Variants in CASC3 observed in about 807,000 individuals in gnomAD.
CASC3 encodes protein CASC3.
CASC3 carries 30 observed loss-of-function variants against 80.5 expected under a neutral mutation model. The observed-to-expected ratio is 0.37, with a 90% CI of 0.28 to 0.51. The LOEUF (loss-of-function observed/expected upper bound fraction) is 0.51. CASC3 is among the 20% of genes least tolerant of loss of function. The probability of loss-of-function intolerance (pLI) is 0.94; values close to 1 mark genes in which losing one functional copy is unlikely to be tolerated. For missense variants in CASC3, 824 were observed against 922.2 expected, an observed-to-expected ratio of 0.89 and a Z score of 1.38; for synonymous variants, 312 against 333.6, an observed-to-expected ratio of 0.94 and a Z score of 0.70.
chr17:40,165,759 T>G (rs982489655), intron 7 of CASC3, among the ~76,000 whole-genome samples: 3 of 151,232 alleles, frequency 2.0e-5, no homozygotes, highest in South Asian at 4.2e-4. Flanking sequence ...TAGTTTTTTT[T>G]TTTGTTTTTT....
intron 3 of CASC3, among the ~76,000 whole-genome samples, chr17:40,160,818 G>GCCCA (rs1989278007): frequency 1.3e-5 from 2 of 151,972 alleles, no homozygotes; most frequent in Non-Finnish European, 2.9e-5. Context: ...TGATACGCCT[G>GCCCA]CCTCGGCCTC....
chr17:40,149,765 G>A (rs1988951419), intron 3 of CASC3, among the ~76,000 whole-genome samples: 1 of 152,138 alleles, frequency 6.6e-6, no homozygotes, highest in African/African-American at 2.4e-5. Flanking sequence ...CGGCACTTTG[G>A]GAGGCCGAGG....
intron 3 of CASC3, among the ~76,000 whole-genome samples, chr17:40,141,944 A>G (rs543509803): frequency 6.6e-6 from 1 of 152,242 alleles, no homozygotes; most frequent in South Asian, 2.1e-4. Context: ...AAGCCAGCCA[A>G]TTGGTTATTT....
At position 40,161,735 on chromosome 17, in the gene CASC3, C is replaced by T. The variant is rs1989306146; in HGVS notation, c.298-18C>T. 6.2e-7 allele frequency: 1 copy of T among 1,612,216 alleles called. No individual in the cohort carries two copies. Among genetic ancestry groups the T allele is most frequent in the Admixed American group, 1.7e-5 (1 of 59,756 alleles). On this transcript the variant is annotated intron_variant, in intron 3 of 13. Coordinates refer to ENST00000264645, the MANE Select transcript of CASC3 (RefSeq NM_007359.5). ...GTTCAGATCTTATATGCATCGCTGA[C>T]AGGGAAACTTTTTTCAGGGTGAAGA...
chr17:40,171,861 G>T lies in CASC3; in HGVS notation c.*1456G>T. 8.3e-7 allele frequency: 1 copy of T among 1,200,388 alleles called. No homozygotes were observed. The highest frequency in any genetic ancestry group is 1.1e-6 in the Non-Finnish European group (1 of 947,788). 74.4% of individuals were successfully genotyped at this position (1,200,388 alleles called of 1,614,324 possible). On this transcript the variant is annotated 3_prime_UTR_variant, in exon 14 of 14. Transcript: ENST00000264645. ...GAGTCACAGGTGTGGGATGGAGAGT[G>T]GGGAGAGGCACTTAATCTGTAACCC...
intron 3 of CASC3, among the ~76,000 whole-genome samples, chr17:40,142,350 G>A (rs937905794): frequency 3.3e-5 from 5 of 152,250 alleles, no homozygotes; most frequent in Non-Finnish European, 7.3e-5. Flanking sequence ...CTTGCTGATA[G>A]GGGATAGCAC....
Position 40,161,999 on chromosome 17 carries a change from T to C in CASC3, c.457-3T>C, listed in dbSNP as rs753748330. On this transcript the variant is annotated splice_region_variant and splice_polypyrimidine_tract_variant and intron_variant, in intron 4 of 13. Coordinates refer to ENST00000264645, the MANE Select transcript of CASC3 (RefSeq NM_007359.5). ...AGTAAGGATCCCTTTATCTGTCCTC[T>C]AGGAGAGCACAGAGCCTGTGGAGAA... is the stretch of plus-strand genomic sequence containing the variant. The C allele has an allele frequency of 3.1e-6, 5 of 1,613,556 alleles. No homozygotes were observed. In the South Asian group the frequency reaches 4.4e-5, roughly 14 times the overall value.
At chr17:40,144,446 G>T (rs1303824815) in intron 3 of CASC3, among the ~76,000 whole-genome samples, 2 of 150,522 alleles carry the variant, frequency 1.3e-5, no homozygotes, top group Non-Finnish European at 3.0e-5. Flanking sequence ...CCGGGTTCAA[G>T]CGATTCTCCT....
At chr17:40,149,578 G>A (rs755904222) in intron 3 of CASC3, among the ~76,000 whole-genome samples, 7 of 152,060 alleles carry the variant, frequency 4.6e-5, no homozygotes, top group Admixed American at 1.3e-4. Flanking sequence ...AAAAAGAGAG[G>A]GAATAGATAA....
intron 3 of CASC3, among the ~76,000 whole-genome samples, chr17:40,142,162 TA>T (rs1427637909): frequency 6.6e-6 from 1 of 152,164 alleles, no homozygotes. Flanking sequence ...GGATTATATA[TA>T]GGGGGAATTG....
intron 8 of CASC3, 46 bp downstream of exon 8, chr17:40,166,907 C>A: frequency 7.4e-7 from 1 of 1,342,322 alleles, no homozygotes; most frequent in Non-Finnish European, 1.0e-6. Flanking sequence ...CTGCCTGTTA[C>A]ACAGCTTGTT....
chr17:40,145,430 C>T (rs1030974530), intron 3 of CASC3, among the ~76,000 whole-genome samples: 14 of 152,150 alleles, frequency 9.2e-5, no homozygotes, highest in Admixed American at 2.0e-4. Flanking sequence ...CCTCGGCCTC[C>T]CAAAGTGCTG....
chr17:40,148,450 C>T (rs1162615663), intron 3 of CASC3, among the ~76,000 whole-genome samples: 3 of 151,932 alleles, frequency 2.0e-5, no homozygotes, highest in African/African-American at 4.8e-5. Flanking sequence ...CTGCAATCTC[C>T]GTCTCCTGGG....
intron 3 of CASC3, among the ~76,000 whole-genome samples, chr17:40,144,539 T>G (rs1988804005): frequency 6.6e-6 from 1 of 151,382 alleles, no homozygotes; most frequent in African/African-American, 2.4e-5. Flanking sequence ...GAGACGGGGT[T>G]TTACCATGTT....
chr17:40,171,427 C>A lies in CASC3; in HGVS notation c.*1022C>A, dbSNP rs757094705. On this transcript the variant is annotated 3_prime_UTR_variant, in exon 14 of 14. Coordinates refer to ENST00000264645, the MANE Select transcript of CASC3 (RefSeq NM_007359.5). ...CCAGTTGCTGTGGACCAATGCATCT[C>A]TTTAAAGGCAAATATTATCCAGCAA... is the stretch of plus-strand genomic sequence containing the variant. 4.3e-5 allele frequency: 42 copies of A among 986,110 alleles called. No individual in the cohort carries two copies. The highest frequency in any genetic ancestry group is 4.8e-5 in the Non-Finnish European group (40 of 830,124). The allele number at this position is 986,110 out of a possible 1,614,324, so 61.1% of individuals were successfully genotyped here. A position where few individuals can be genotyped will look rare whatever the true frequency, so the allele number is the denominator to read the frequency against.
At chr17:40,165,722 TTTG>T (rs1382436141) in intron 7 of CASC3, among the ~76,000 whole-genome samples, 10 of 152,016 alleles carry the variant, frequency 6.6e-5, no homozygotes, top group East Asian at 1.9e-4. Flanking sequence ...CTTTTGTGTT[TTTG>T]TTGTTGTTGT....
rs1178751655 is a variant in CASC3, at chr17:40,164,093, G to A, written c.1398G>A (p.Val466=). ...GTACAAGTGGACTTGAGCAAGATGT[G>A]GCACAACTAAATATAGCAGAACAGA... is the stretch of plus-strand genomic sequence containing the variant. ...DSSTSGLEQD[V]AQLNIAEQNW... Residue 466 remains valine, a synonymous_variant, in exon 7 of 14, where the codon GTG becomes GTA. Transcript: ENST00000264645. The A allele has an allele frequency of 2.5e-6, 4 of 1,613,578 alleles. No individual in the cohort carries two copies. The highest frequency in any genetic ancestry group is 3.4e-6 in the Non-Finnish European group (4 of 1,180,002).
intron 3 of CASC3, among the ~76,000 whole-genome samples, chr17:40,147,657 AAGG>A (rs1232762694): frequency 1.3e-5 from 2 of 152,102 alleles, no homozygotes; most frequent in Non-Finnish European, 2.9e-5. Flanking sequence ...GAAAAAGAAA[AAGG>A]AGTCAAAGGA....
chr17:40,162,849 C>G lies in CASC3; in HGVS notation c.733C>G (p.Arg245Gly), dbSNP rs1203475082. ...ELIALYGYDI[R>G]SAHNPDDIKP... ...CATTGCTCTTTATGGTTATGACATT[C>G]GCTCAGCTCATAATCCTGATGACAT... is the stretch of plus-strand genomic sequence containing the variant. Residue 245 changes from arginine to glycine, a missense_variant, in exon 6 of 14, where the codon CGC (arginine) becomes GGC (glycine). Physicochemically the swap from Arg to Gly is moderately radical, Grantham distance 125 (BLOSUM62 -2). This residue lies in a region of CASC3 where 201 missense variants were observed against 294.1 expected (regional missense o/e 0.68). Coordinates refer to ENST00000264645, the MANE Select transcript of CASC3 (RefSeq NM_007359.5). 6.2e-7 allele frequency: 1 copy of G among 1,614,042 alleles called. No homozygotes were observed. Among genetic ancestry groups the G allele is most frequent in the Non-Finnish European group, 8.5e-7 (1 of 1,179,970 alleles).
Sources: allele counts gnomAD v4.1 joint callset (sites outside exome capture counted in the v4.1 genomes callset), GRCh38; gene constraint gnomAD v4.1.1; regional missense constraint gnomAD v4.1.1; transcripts MANE v1.5; gene names NCBI Gene and HGNC (gene_info 2026-07-23, HGNC 2026-07-21).